The following CCNL1 variants were observed in gnomAD, a reference collection of about 807,000 sequenced individuals.
CCNL1 encodes cyclin-L1.
In CCNL1, 13 loss-of-function variants were observed where a neutral mutation model predicts 60.6. The ratio of observed to expected loss-of-function variants is 0.21; its 90% CI spans 0.14 to 0.34. The LOEUF is 0.34. Ranked by LOEUF, CCNL1 falls within the 10% of genes least tolerant of loss-of-function variation. The pLI, the probability that CCNL1 is intolerant of heterozygous loss-of-function variation, is 1.00. For missense variants in CCNL1, 481 were observed against 664.3 expected (o/e 0.72, Z 3.03); for synonymous variants, 270 against 244.3 (o/e 1.10, Z -0.98).
At chr3:157,152,530 C>T in intron 4 of CCNL1, 1 of 1,103,358 alleles carries the variant, frequency 9.1e-7, no homozygotes, top group Non-Finnish European at 1.1e-6. Flanking sequence ...ATTATTTCAC[C>T]TAATTTCCCA....
At chr3:157,154,960 A>ACATACATACATG (rs1738505182) in intron 3 of CCNL1, among the ~76,000 whole-genome samples, 1 of 152,120 alleles carries the variant, frequency 6.6e-6, no homozygotes, top group African/African-American at 2.4e-5. Context: ...ATACATACAT[A>ACATACATACATG]CATACATACA....
Position 157,150,340 on chromosome 3 carries a change from C to A in CCNL1, c.716G>T (p.Arg239Leu). The stretch of plus-strand genomic sequence containing the variant: ...ACATGCTATAGTCTCTGGTTGAAAT[C>A]GAACAAACACATTGGTTCGAAGACT... Reference protein sequence around the residue: ...NDSLRTNVFVRFQPETIACAC... With the variant: ...NDSLRTNVFVLFQPETIACAC... Residue 239 changes from arginine to leucine, a missense_variant, in exon 6 of 11, where the codon CGA becomes CTA. Arg to Leu is a moderately radical substitution (Grantham distance 102). Transcript: ENST00000295926. The A allele has an allele frequency of 6.2e-7, 1 of 1,613,940 alleles. No homozygotes were observed. Among genetic ancestry groups the A allele is most frequent in the Non-Finnish European group, 8.5e-7 (1 of 1,179,894 alleles).
intron 3 of CCNL1, chr3:157,156,833 G>A: frequency 2.0e-6 from 2 of 978,578 alleles, no homozygotes; most frequent in Non-Finnish European, 1.4e-6. Context: ...ATTAACCTAT[G>A]CAAAAATAAA....
chr3:157,150,477 C>G (rs1479325773), intron 5 of CCNL1, 96 bp from the exon 6 acceptor site: 1 of 1,486,428 alleles, frequency 6.7e-7, no homozygotes, highest in African/African-American at 1.4e-5. Flanking sequence ...ATTCTTTTTT[C>G]TTCTCTTATT....
At chr3:157,156,782 T>C (rs1435979578) in intron 3 of CCNL1, among the ~76,000 whole-genome samples, 1 of 152,246 alleles carries the variant, frequency 6.6e-6, no homozygotes, top group East Asian at 1.9e-4. Context: ...TGATATGCTT[T>C]ACCTAACCAA....
downstream of CCNL1, among the ~76,000 whole-genome samples, chr3:157,145,088 T>C (rs1386490166): frequency 1.3e-5 from 2 of 152,172 alleles, no homozygotes; most frequent in African/African-American, 2.4e-5. Flanking sequence ...AAACTAAAGA[T>C]ACCAGCTGCA....
downstream of CCNL1, chr3:157,147,498 A>G (rs1246244497): frequency 2.6e-6 from 2 of 757,208 alleles, no homozygotes; most frequent in African/African-American, 3.8e-5. Context: ...TTTCAGAAAT[A>G]GTACTTAAAT....
At chr3:157,149,250 CAAATA>C in intron 10 of CCNL1, 32 bp downstream of exon 10, 1 of 1,485,914 alleles carries the variant, frequency 6.7e-7, no homozygotes, top group Non-Finnish European at 9.4e-7. Context: ...TTAAAAACTC[CAAATA>C]AGACTGCTTC....
At chr3:157,149,088 TG>T (rs2108110924) in intron 10 of CCNL1, 198 bp downstream of exon 10, 1 of 565,744 alleles carries the variant, frequency 1.8e-6, no homozygotes, top group Non-Finnish European at 3.1e-6. Context: ...CCAAAAAACA[TG>T]GGAGAAAATA....
rs772710305 is a variant in CCNL1, at chr3:157,148,249, T to G, written c.1573A>C (p.Arg525=). Residue 525 remains arginine, a synonymous_variant, in exon 11 of 11, where the codon AGG becomes CGG. Coordinates refer to ENST00000295926, the MANE Select transcript of CCNL1 (RefSeq NM_020307.4). ...GGSRSGHGRH[R]R ...CTCAAAGGAAGAGAAAGTCAGCGCC[T>G]GTGCCTGCCATGTCCTGAGCGACTG... The G allele has an allele frequency of 3.1e-6, 5 of 1,612,282 alleles. No individual in the cohort carries two copies. Among genetic ancestry groups the G allele is most frequent in the Admixed American group, 1.7e-5 (1 of 59,880 alleles).
chr3:157,150,888 A>C, intron 5 of CCNL1: 3 of 984,386 alleles, frequency 3.0e-6, no homozygotes, highest in Non-Finnish European at 3.6e-6. Flanking sequence ...GAAAGCTAAG[A>C]TACTTAGAAA....
chr3:157,160,099 T>A lies in CCNL1; in HGVS notation c.-5A>T, dbSNP rs1389933809. ...CGAATGAGGCCCGGACGCCATAGTC[T>A]TAGCGAGCCGCACGCAAGCCCAACG... On this transcript the variant is annotated 5_prime_UTR_variant, in exon 1 of 11. The change creates a new upstream start codon in the 5' untranslated region. Coordinates refer to ENST00000295926, the MANE Select transcript of CCNL1 (RefSeq NM_020307.4). 6.5e-7 allele frequency: 1 copy of A among 1,538,290 alleles called. No homozygotes were observed.
chr3:157,146,955 T>C (rs2108105006), downstream of CCNL1, among the ~76,000 whole-genome samples: 1 of 152,340 alleles, frequency 6.6e-6, no homozygotes, highest in East Asian at 1.9e-4. Flanking sequence ...CTTAATCTCC[T>C]TCAAAGTAGT....
In CCNL1 at chr3:157,159,984, C is replaced by G. The variant is rs748520555; in HGVS notation, c.111G>C (p.Thr37=). 9.5e-6 allele frequency: 15 copies of G among 1,581,000 alleles called. No homozygotes were observed. The South Asian group carries it at 1.4e-4, about 15-fold the overall frequency. Residue 37 remains threonine, a synonymous_variant, in exon 1 of 11, where the codon ACG becomes ACC. Coordinates refer to ENST00000295926, the MANE Select transcript of CCNL1 (RefSeq NM_020307.4). ...SGTTTTTTTT[T]GGILIGDRLY... is the part of the protein sequence containing the mutation. Reference sequence around the variant, plus strand: ...GGCGATCGCCGATCAGGATCCCTCCCGTCGTGGTCGTCGTCGTGGTCGTCG... The same window carrying G: ...GGCGATCGCCGATCAGGATCCCTCCGGTCGTGGTCGTCGTCGTGGTCGTCG...
At chr3:157,157,011 T>G in intron 3 of CCNL1, 1 of 1,289,832 alleles carries the variant, frequency 7.8e-7, no homozygotes. Flanking sequence ...CTTCACTCAC[T>G]GTTGCCATGA....
intron 5 of CCNL1, chr3:157,151,674 T>C: frequency 2.0e-6 from 2 of 991,794 alleles, no homozygotes; most frequent in Non-Finnish European, 2.4e-6. Context: ...AAATGAACTA[T>C]TCATTTTGAT....
chr3:157,149,649 A>C (rs1738020067), intron 8 of CCNL1, 53 bp from the exon 9 acceptor site: 4 of 1,547,534 alleles, frequency 2.6e-6, no homozygotes, highest in Middle Eastern at 3.6e-4. Context: ...ACAGAGGGCC[A>C]AAAGTTGTTT....
chr3:157,159,646 G>T, intron 1 of CCNL1, 146 bp downstream of exon 1: 2 of 1,004,580 alleles, frequency 2.0e-6, no homozygotes, highest in Non-Finnish European at 2.8e-6. Context: ...CCCCGCCCCG[G>T]CACGCCCCGG....
chr3:157,159,297 G>T, intron 2 of CCNL1, 108 bp downstream of exon 2: 2 of 987,678 alleles, frequency 2.0e-6, no homozygotes, highest in Non-Finnish European at 3.1e-6. Flanking sequence ...AGGTACAAAG[G>T]CCTAAACTAA....
Sources: gnomAD v4.1 joint callset for allele counts (sites outside exome capture counted in the v4.1 genomes callset) on GRCh38, gnomAD v4.1.1 for gene constraint, MANE v1.5 for transcripts, NCBI Gene and HGNC (gene_info 2026-07-23, HGNC 2026-07-21) for gene names.